DTNB: variants seen among roughly 807,000 people sequenced by gnomAD.
DTNB encodes DTN-B.
A neutral mutation model predicts 90.7 loss-of-function variants in DTNB; 63 were observed. The ratio of observed to expected loss-of-function variants is 0.69; its 90% confidence interval spans 0.57 to 0.86. The LOEUF (loss-of-function observed/expected upper bound fraction) is 0.86. DTNB is among the 40% of genes least tolerant of loss of function. DTNB has a pLI of 0.00. For synonymous variants in DTNB, 277 were observed against 286.7 expected, an observed-to-expected ratio of 0.97 and a Z score of 0.34; for missense variants, 744 against 807.1, an observed-to-expected ratio of 0.92 and a Z score of 0.95.
intron 10 of DTNB, among the ~76,000 whole-genome samples, chr2:25,473,924 G>A (rs189656584): frequency 1.4e-4 from 22 of 152,290 alleles, no homozygotes; most frequent in Admixed American, 3.3e-4. Context: ...CCTTCCAGTC[G>A]GCTCTGCCGA....
At chr2:25,645,901 ACAAC>A (rs1271028161) in intron 2 of DTNB, among the ~76,000 whole-genome samples, 1 of 152,170 alleles carries the variant, frequency 6.6e-6, no homozygotes, top group Non-Finnish European at 1.5e-5. Context: ...TATACAACTC[ACAAC>A]CAAGTAGAGG....
intron 8 of DTNB, among the ~76,000 whole-genome samples, chr2:25,565,994 A>C (rs2151239912): frequency 6.6e-6 from 1 of 152,284 alleles, no homozygotes; most frequent in Admixed American, 6.5e-5. Flanking sequence ...GGAAGCTATA[A>C]ATATGATAAG....
rs543303116 is a variant in DTNB at position 25,500,752 on chromosome 2, TA to T, written c.1002-17880del. ...CCAAAAAAAAAATGACTTAAAGATA[TA>T]AACATAAATTAATGCATAATTAATG... On this transcript the variant is annotated intron_variant, in intron 9 of 20. Coordinates refer to ENST00000406818, the MANE Select transcript of DTNB (RefSeq NM_021907.5). Among the ~76,000 whole-genome samples the T allele has an allele frequency of 3.9e-3, 588 of 152,096 alleles. 2 individuals are homozygous for T. The highest frequency in any genetic ancestry group is 0.013 in the African/African-American group (550 of 41,494).
At chr2:25,498,596 A>G (rs1014200936) in intron 9 of DTNB, among the ~76,000 whole-genome samples, 5 of 152,126 alleles carry the variant, frequency 3.3e-5, no homozygotes, top group African/African-American at 1.2e-4. Context: ...GCTCACTGGG[A>G]GCACTCTGGG....
chr2:25,558,203 TAA>T (rs1461479209), intron 8 of DTNB: 1 of 985,156 alleles, frequency 1.0e-6, no homozygotes, highest in African/African-American at 1.7e-5. Context: ...ACACATGGAT[TAA>T]ATTTATTTAG....
chr2:25,430,470 A>G (rs530161034), intron 14 of DTNB, among the ~76,000 whole-genome samples: 2 of 151,764 alleles, frequency 1.3e-5, no homozygotes, highest in African/African-American at 4.8e-5. Context: ...CTGAACATGA[A>G]TGAGCTACAG....
intron 9 of DTNB, among the ~76,000 whole-genome samples, chr2:25,491,137 G>GCACACACACA (rs368677624): frequency 7.1e-6 from 1 of 139,944 alleles, no homozygotes; most frequent in South Asian, 2.4e-4. Context: ...TGTTATATGA[G>GCACACACACA]CACACACACA....
rs567960663 is a variant in DTNB, at chr2:25,452,084, C to T, written c.1170-449G>A. ...AAGCAAAAGTTTGGCCTTGCCAGGG[C>T]AGGCCAAACACACTGTAAAGCTGGA... On this transcript the variant is annotated intron_variant, in intron 11 of 20. Coordinates refer to ENST00000406818, the MANE Select transcript of DTNB (RefSeq NM_021907.5). Among the ~76,000 whole-genome samples the T allele has an allele frequency of 3.3e-5, 5 of 152,362 alleles. No individual in the cohort carries two copies. In the South Asian group the frequency reaches 1.0e-3, roughly 32 times the overall value.
chr2:25,605,386 T>C (rs2066889702), intron 5 of DTNB, among the ~76,000 whole-genome samples: 1 of 152,192 alleles, frequency 6.6e-6, no homozygotes, highest in African/African-American at 2.4e-5. Context: ...ACCACTTCAA[T>C]CTTGGTCACT....
intron 8 of DTNB, among the ~76,000 whole-genome samples, chr2:25,561,678 G>C (rs2058283752): frequency 1.3e-5 from 2 of 152,140 alleles, no homozygotes; most frequent in African/African-American, 4.8e-5. Context: ...TAAAGGAGCT[G>C]GCTCCTCCTC....
intron 3 of DTNB, among the ~76,000 whole-genome samples, chr2:25,637,479 C>T (rs1008258586): frequency 6.6e-6 from 1 of 152,140 alleles, no homozygotes; most frequent in African/African-American, 2.4e-5. Flanking sequence ...GGCTAATATC[C>T]AGAATCTACA....
In DTNB at chr2:25,524,782, C is replaced by T. The variant is rs78079869; in HGVS notation, c.1001+6691G>A. Among the ~76,000 whole-genome samples, 515 of 152,272 alleles carry T rather than the reference C, an allele frequency of 3.4e-3. 2 individuals are homozygous for T. The highest frequency in any genetic ancestry group is 0.012 in the African/African-American group (489 of 41,544). Reference sequence around the variant, plus strand: ...AGCAGCCTACACCATCGAACCACTGCCCAGGTTGGCTGCTCCAGTCATTCC... The same window carrying T: ...AGCAGCCTACACCATCGAACCACTGTCCAGGTTGGCTGCTCCAGTCATTCC... On this transcript the variant is annotated intron_variant, in intron 9 of 20. Transcript: ENST00000406818.
At chr2:25,541,589 C>T (rs1018081187) in intron 8 of DTNB, among the ~76,000 whole-genome samples, 3 of 152,136 alleles carry the variant, frequency 2.0e-5, no homozygotes, top group Non-Finnish European at 4.4e-5. Flanking sequence ...ATCTCAGGAA[C>T]GCTTCATCTC....
intron 16 of DTNB, among the ~76,000 whole-genome samples, chr2:25,418,341 G>A (rs2149788095): frequency 6.6e-6 from 1 of 152,064 alleles, no homozygotes. Flanking sequence ...TGCTCTCCTA[G>A]CTAGAAATTA....
chr2:25,448,320 T>G (rs2058729206), intron 12 of DTNB, among the ~76,000 whole-genome samples: 1 of 152,226 alleles, frequency 6.6e-6, no homozygotes, highest in East Asian at 1.9e-4. Flanking sequence ...ATTTGCTGAA[T>G]GAATAAAATG....
At chr2:25,571,921 T>C (rs2059932336) in intron 8 of DTNB, among the ~76,000 whole-genome samples, 1 of 152,132 alleles carries the variant, frequency 6.6e-6, no homozygotes, top group Non-Finnish European at 1.5e-5. Context: ...CCTATATGAC[T>C]AGTTCTCTCC....
chr2:25,536,664 T>C (rs1575510608), intron 8 of DTNB, among the ~76,000 whole-genome samples: 1 of 151,962 alleles, frequency 6.6e-6, no homozygotes. Context: ...ATCATGGCAG[T>C]ACAGTCCAGG....
chr2:25,576,221 G>GTTTTTTTTT (rs57969480), intron 8 of DTNB, among the ~76,000 whole-genome samples: 3 of 97,544 alleles, frequency 3.1e-5, no homozygotes, highest in Non-Finnish European at 4.4e-5. Flanking sequence ...GAACAGTTTT[G>GTTTTTTTTT]TTTTTTTTTT....
At chr2:25,589,361 T>TCTTTC (rs2063068274) in intron 6 of DTNB, among the ~76,000 whole-genome samples, 1 of 129,058 alleles carries the variant, frequency 7.7e-6, no homozygotes, top group Non-Finnish European at 1.6e-5. Flanking sequence ...GGTTTCTTTT[T>TCTTTC]CTTTTCTTTT....
Sources: gnomAD v4.1 joint callset for allele counts (sites outside exome capture counted in the v4.1 genomes callset) on GRCh38, gnomAD v4.1.1 for gene constraint, MANE v1.5 for transcripts, NCBI Gene and HGNC (gene_info 2026-07-23, HGNC 2026-07-21) for gene names.